COL2A1: variants seen among roughly 807,000 people sequenced by gnomAD.
COL2A1 encodes the protein collagen alpha-1(II) chain.
A neutral mutation model predicts 204.5 loss-of-function variants in COL2A1; 28 were observed. That is an observed-to-expected ratio of 0.14 (90% CI 0.10 to 0.19). The LOEUF (loss-of-function observed/expected upper bound fraction) is 0.19, where lower values mean the gene tolerates loss of function less well. Ranked by LOEUF, COL2A1 falls within the 10% of genes least tolerant of loss-of-function variation. The pLI is 1.00. For synonymous variants in COL2A1, 708 were observed against 718.7 expected, an observed-to-expected ratio of 0.99 and a Z score of 0.24; for missense variants, 1,388 against 2,027.5, an observed-to-expected ratio of 0.68 and a Z score of 6.06.
At position 47,987,599 on chromosome 12, in the gene COL2A1, A is replaced by G; in HGVS notation, c.1221+12T>C. The G allele has an allele frequency of 6.2e-7, 1 of 1,607,444 alleles. No homozygotes were observed. Among genetic ancestry groups the G allele is most frequent in the Non-Finnish European group, 8.5e-7 (1 of 1,175,912 alleles). ...CCCAGACCCCCCCAGGCCAAAGAGA[A>G]GCTGCACTTACGGAGGCACCAGCAG... On this transcript the variant is annotated intron_variant, in intron 19 of 53. Transcript: ENST00000380518. This position sits in a 1 kb window ranked among gnomAD's most constrained non-coding sequence, Gnocchi z 4.1.
rs374288070 is a variant in COL2A1, at chr12:47,994,002, C to T, written c.862G>A (p.Gly288Ser). 6.2e-7 allele frequency: 1 copy of T among 1,614,152 alleles called. No homozygotes were observed. The highest frequency in any genetic ancestry group is 8.5e-7 in the Non-Finnish European group (1 of 1,180,032). The change falls in exon 13 of 54, where the codon GGT becomes AGT. Residue 288 changes from glycine to serine, a missense_variant. Physicochemically the swap from Gly to Ser is moderately conservative, Grantham distance 56. Around this residue, in one of 3 missense-constraint regions of COL2A1, gnomAD observed 884 missense variants for 1,415.8 expected, o/e 0.62. Transcript: ENST00000380518. ...TCACCCGTGATACTTACTCTGTGAC[C>T]TTTGACACCAGGAAGGCCTGGGGTT... ...PGTPGLPGVKGHRGYPGLDGA... is the reference protein window; with the variant it reads ...PGTPGLPGVKSHRGYPGLDGA...
rs758161106 is a variant in COL2A1 at position 47,987,229 on chromosome 12, G to A, written c.1266+40C>T. ...GTCAGGAGAGGGGAGAGGCAGGACT[G>A]GGCTCTCCTGGGGTAGCAAAGTCCA... On this transcript the variant is annotated intron_variant, in intron 20 of 53. Transcript: ENST00000380518. The surrounding 1 kb of genome is among the most constrained non-coding windows in gnomAD (Gnocchi z 4.1). 2 of 1,611,812 alleles carry A rather than the reference G, an allele frequency of 1.2e-6. No individual in the cohort carries two copies. The highest frequency in any genetic ancestry group is 2.2e-5 in the East Asian group (1 of 44,848).
rs533592269 is a variant in COL2A1, at chr12:47,994,167, A to T, written c.817-120T>A. 1.5e-3 allele frequency: 1,710 copies of T among 1,172,668 alleles called. 4 individuals carry two copies. The highest frequency in any genetic ancestry group is 1.7e-3 in the Middle Eastern group (7 of 4,218). 72.6% of individuals were successfully genotyped at this position (1,172,668 alleles called of 1,614,324 possible). A position where few individuals can be genotyped will look rare whatever the true frequency, so the allele number is the denominator to read the frequency against. ...CCAGGGCGTTGTCTCGAATCCCCAC[A>T]CTTGGACAGCTCTTTCTGTAAAACC... On this transcript the variant is annotated intron_variant, in intron 12 of 53. Transcript: ENST00000380518.
chr12:48,000,297 T>A (rs964691867), intron 1 of COL2A1, among the ~76,000 whole-genome samples, 172 bp from the exon 2 acceptor site: 2 of 152,246 alleles, frequency 1.3e-5, no homozygotes, highest in African/African-American at 4.8e-5. Flanking sequence ...TAAAACATCA[T>A]TGATTTTTCC....
rs1470509215 is a variant in COL2A1 at position 47,973,500 on chromosome 12, G to T, written c.4371C>A (p.Thr1457=). 1 of 1,614,096 alleles carries T rather than the reference G, an allele frequency of 6.2e-7. No homozygotes were observed. Among genetic ancestry groups the T allele is most frequent in the Admixed American group, 1.7e-5 (1 of 60,016 alleles). ...CAATGTCAATGATGGGGAGGCGTGA[G>T]GTCTTCTGTGACCGGTACTCGATAA... The part of the protein sequence containing the change: ...KTVIEYRSQK[T]SRLPIIDIAP... Residue 1457 remains threonine, a synonymous_variant, in exon 54 of 54, where the codon ACC becomes ACA. Coordinates refer to ENST00000380518, the MANE Select transcript of COL2A1 (RefSeq NM_001844.5).
Position 47,977,379 on chromosome 12 carries a change from G to A in COL2A1, c.3214C>T (p.Pro1072Ser), listed in dbSNP as rs955829877. Residue 1072 changes from proline (P) to serine (S), a missense_variant, in exon 46 of 54, where the codon CCC becomes TCC. Transcript: ENST00000380518. ...CCAGCGGGGCCAGGGGAGCCAGGGGGCCCAGGGGCTCCAGGAGCTCCCACA... is the reference window on the plus strand; with the variant it reads ...CCAGCGGGGCCAGGGGAGCCAGGGGACCCAGGGGCTCCAGGAGCTCCCACA... The part of the protein sequence containing the change: ...GAVGAPGAPG[P>S]PGSPGPAGPT... The A allele has an allele frequency of 1.3e-5, 21 of 1,613,574 alleles. No individual in the cohort carries two copies. The highest frequency in any genetic ancestry group is 1.8e-5 in the Non-Finnish European group (21 of 1,179,686).
In COL2A1 at chr12:47,985,459, C is replaced by A. The variant is rs2136565913; in HGVS notation, c.1734+75G>T. On this transcript the variant is annotated intron_variant, in intron 26 of 53. Coordinates refer to ENST00000380518, the MANE Select transcript of COL2A1 (RefSeq NM_001844.5). ...GTACTTCAGGCCTCCCTAACCCAAA[C>A]TCCATCTCTCTTTTCCCTTGCTTCC... The A allele has an allele frequency of 2.7e-6, 4 of 1,502,580 alleles. No homozygotes were observed. In the East Asian group the frequency reaches 9.0e-5, roughly 34 times the overall value. 93.1% of individuals were successfully genotyped at this position (1,502,580 alleles called of 1,614,324 possible). A position where few individuals can be genotyped will look rare whatever the true frequency, so the allele number is the denominator to read the frequency against.
At position 47,992,889 on chromosome 12, in the gene COL2A1, C is replaced by G. The variant is rs773412941; in HGVS notation, c.1012G>C (p.Ala338Pro). The G allele has an allele frequency of 7.4e-6, 12 of 1,614,212 alleles. No individual in the cohort carries two copies. In the South Asian group the frequency reaches 1.3e-4, roughly 18 times the overall value. The change falls in exon 16 of 54, where the codon GCT (alanine) becomes CCT (proline). Residue 338 changes from alanine to proline, a missense_variant. By Grantham distance (27) the Ala-to-Pro change is conservative. This residue lies in a region of COL2A1 where 884 missense variants were observed against 1,415.8 expected (regional missense o/e 0.62). Transcript: ENST00000380518. ...TGTCAATTACTCACCGCAGCGCCAG[C>G]AGGGCCAGTCCGTCCTCTTTCACCA... ...LPGERGRTGP[A>P]GAAGARGNDG...
At chr12:47,988,533 C>G (rs1332728295) in intron 18 of COL2A1, 1 of 156,926 alleles carries the variant, frequency 6.4e-6, no homozygotes, top group African/African-American at 2.4e-5. Context: ...CGCTGTCCCT[C>G]TTCACAATGG....
rs553047646 is a variant in COL2A1 at position 47,980,990 on chromosome 12, C to T, written c.2464-22G>A. On this transcript the variant is annotated intron_variant, in intron 37 of 53. Transcript: ENST00000380518. This position sits in a 1 kb window ranked among gnomAD's most constrained non-coding sequence, Gnocchi z 4.5. ...CACCCTGTGAGAGAAGGGGGCATGGCGAGAGGTCAGGCCCCGCTGCCTGAC... is the reference window on the plus strand; with the variant it reads ...CACCCTGTGAGAGAAGGGGGCATGGTGAGAGGTCAGGCCCCGCTGCCTGAC... 1.4e-5 allele frequency: 22 copies of T among 1,549,566 alleles called. No homozygotes were observed. Among genetic ancestry groups the T allele is most frequent in the Middle Eastern group, 1.9e-4 (1 of 5,338 alleles).
At chr12:47,985,170 C>T (rs1592216414) in intron 26 of COL2A1, 77 bp from the exon 27 acceptor site, 1 of 1,196,298 alleles carries the variant, frequency 8.4e-7, no homozygotes, top group East Asian at 2.5e-5. Context: ...TAAGGGCCTA[C>T]ATGGCAGGCC....
upstream of COL2A1, among the ~76,000 whole-genome samples, chr12:48,004,884 A>C (rs369657548): frequency 3.9e-4 from 60 of 152,294 alleles, 1 homozygote; most frequent in South Asian, 0.012. Context: ...CGGAAAAGAC[A>C]TGGGAGGGAG....
At chr12:47,995,662 T>A (rs2136617960) in intron 10 of COL2A1, 48 bp downstream of exon 10, 8 of 1,576,316 alleles carry the variant, frequency 5.1e-6, no homozygotes, top group Admixed American at 1.7e-5. Flanking sequence ...TAGTGGTCTA[T>A]CATTAGAGGC....
At chr12:48,003,145 T>G (rs1940313912) in intron 1 of COL2A1, 1 of 152,272 alleles carries the variant, frequency 6.6e-6, no homozygotes, top group Admixed American at 6.5e-5. Context: ...AGGCTTCGTT[T>G]GTCCTGAATA....
At chr12:47,994,262 A>C (rs1376211399) in intron 12 of COL2A1, among the ~76,000 whole-genome samples, 162 bp downstream of exon 12, 1 of 152,156 alleles carries the variant, frequency 6.6e-6, no homozygotes, top group African/African-American at 2.4e-5. Flanking sequence ...AGCCTCCCTC[A>C]TGAGAGCCTG....
chr12:48,003,233 G>C (rs912423002), intron 1 of COL2A1, among the ~76,000 whole-genome samples: 1 of 152,112 alleles, frequency 6.6e-6, no homozygotes, highest in Admixed American at 6.5e-5. Flanking sequence ...GACTACAAGA[G>C]CCATCTCTAA....
chr12:47,989,100 G>C, intron 18 of COL2A1, 128 bp downstream of exon 18: 1 of 776,562 alleles, frequency 1.3e-6, no homozygotes, highest in Non-Finnish European at 2.2e-6. Flanking sequence ...GGGCCAGTGG[G>C]TGGGGTGGTG....
At chr12:47,981,191 C>G in intron 37 of COL2A1, 152 bp downstream of exon 37, 5 of 929,038 alleles carry the variant, frequency 5.4e-6, no homozygotes, top group Non-Finnish European at 8.5e-6. Flanking sequence ...CTTCCCATCT[C>G]TCCTCCCACC....
chr12:47,991,643 C>T (rs968737445), intron 16 of COL2A1, among the ~76,000 whole-genome samples: 12 of 152,180 alleles, frequency 7.9e-5, no homozygotes, highest in African/African-American at 2.2e-4. Flanking sequence ...GCCTAACTAC[C>T]GTGCGGACAG....
Sources: gnomAD v4.1 joint callset for allele counts (sites outside exome capture counted in the v4.1 genomes callset) on GRCh38, gnomAD v4.1.1 for gene constraint, gnomAD v4.1.1 regional missense constraint, Gnocchi (gnomAD v3.1) non-coding constraint, MANE v1.5 for transcripts, NCBI Gene and HGNC (gene_info 2026-07-23, HGNC 2026-07-21) for gene names.